ZNF827: variants seen among roughly 807,000 people sequenced by gnomAD.
The protein encoded by ZNF827 is zinc finger protein 827.
In ZNF827, 13 loss-of-function variants were observed where a neutral mutation model predicts 102.4. The ratio of observed to expected loss-of-function variants is 0.13; its 90% CI spans 0.08 to 0.20. ZNF827 has a LOEUF of 0.20. ZNF827 is among the 10% of genes least tolerant of loss of function. The pLI, the probability that ZNF827 is intolerant of heterozygous loss-of-function variation, is 1.00. For missense variants in ZNF827, 1,103 were observed against 1,344.4 expected, an observed-to-expected ratio of 0.82 and a Z score of 2.81; for synonymous variants, 523 against 536.2, an observed-to-expected ratio of 0.98 and a Z score of 0.34.
chr4:145,844,594 G>A (rs1745739025), intron 7 of ZNF827, among the ~76,000 whole-genome samples: 1 of 151,544 alleles, frequency 6.6e-6, no homozygotes, highest in Non-Finnish European at 1.5e-5. Flanking sequence ...GTGGGAGGAT[G>A]GCTTGAGCCT....
intron 5 of ZNF827, among the ~76,000 whole-genome samples, chr4:145,861,314 A>G (rs1022204207): frequency 1.3e-5 from 2 of 152,242 alleles, no homozygotes; most frequent in African/African-American, 4.8e-5. Flanking sequence ...GTATTAACAT[A>G]TAGCCAAAAG....
chr4:145,806,564 C>T (rs1373191861), intron 8 of ZNF827, among the ~76,000 whole-genome samples: 1 of 151,622 alleles, frequency 6.6e-6, no homozygotes, highest in Non-Finnish European at 1.5e-5. Context: ...TAATTTAATC[C>T]TCATTCTGCA....
chr4:145,906,377 C>T (rs10519749), intron 1 of ZNF827, among the ~76,000 whole-genome samples: 1 of 152,158 alleles, frequency 6.6e-6, no homozygotes, highest in Non-Finnish European at 1.5e-5. Flanking sequence ...GAGGTGAACA[C>T]TCATTATTCC....
At chr4:145,919,643 G>T (rs1163371446) in intron 1 of ZNF827, among the ~76,000 whole-genome samples, 2 of 152,200 alleles carry the variant, frequency 1.3e-5, no homozygotes, top group African/African-American at 2.4e-5. Context: ...GAAATATGAA[G>T]AATGCTCTGT....
intron 1 of ZNF827, among the ~76,000 whole-genome samples, chr4:145,937,232 G>A (rs1422176722): frequency 6.6e-6 from 1 of 152,018 alleles, no homozygotes; most frequent in African/African-American, 2.4e-5. Flanking sequence ...GGGGGCGCGG[G>A]TGGAGGAGGG....
At chr4:145,793,710 A>G (rs1740070973) in intron 8 of ZNF827, among the ~76,000 whole-genome samples, 2 of 152,274 alleles carry the variant, frequency 1.3e-5, no homozygotes, top group East Asian at 3.9e-4. Context: ...GTTGACACTC[A>G]GTATTAACCA....
chr4:145,840,338 A>G (rs1745288380), intron 7 of ZNF827, among the ~76,000 whole-genome samples: 1 of 152,266 alleles, frequency 6.6e-6, no homozygotes, highest in South Asian at 2.1e-4. Flanking sequence ...CGTCACAGAC[A>G]TCAGATTTAT....
intron 3 of ZNF827, among the ~76,000 whole-genome samples, chr4:145,886,942 T>A (rs1309232936): frequency 6.6e-6 from 1 of 152,248 alleles, no homozygotes; most frequent in East Asian, 1.9e-4. Flanking sequence ...TTCCTGTCAC[T>A]ACCAAATTTA....
In ZNF827 at chr4:145,761,541, C is replaced by T. The variant is rs1224964349; in HGVS notation, c.*75G>A. On this transcript the variant is annotated 3_prime_UTR_variant, in exon 15 of 15. Coordinates refer to ENST00000508784, the MANE Select transcript of ZNF827 (RefSeq NM_001306215.2). The surrounding 1 kb of genome is among the most constrained non-coding windows in gnomAD (Gnocchi z 6.8). ...ACTTGTACTCCATCTTGTAGTGGGT[C>T]TTGAGGTGGCACTCCATGGCAGCGG... 5.4e-6 allele frequency: 7 copies of T among 1,286,168 alleles called. No individual in the cohort carries two copies. The highest frequency in any genetic ancestry group is 3.0e-5 in the African/African-American group (2 of 65,792). The allele number at this position is 1,286,168 out of a possible 1,614,324, so 79.7% of individuals were successfully genotyped here.
At chr4:145,794,713 A>G (rs1400842899) in intron 8 of ZNF827, among the ~76,000 whole-genome samples, 1 of 152,134 alleles carries the variant, frequency 6.6e-6, no homozygotes, top group Non-Finnish European at 1.5e-5. Context: ...AGAAAAAAAA[A>G]TAGCACATAC....
At chr4:145,852,267 T>C (rs1746609073) in intron 5 of ZNF827, among the ~76,000 whole-genome samples, 2 of 152,166 alleles carry the variant, frequency 1.3e-5, no homozygotes, top group Admixed American at 6.6e-5. Flanking sequence ...GCTTTGACCA[T>C]GGAATAAAAA....
At chr4:145,832,269 AAAC>A (rs1257268740) in intron 7 of ZNF827, 1 of 148,386 alleles carries the variant, frequency 6.7e-6, no homozygotes, top group Non-Finnish European at 1.5e-5. Flanking sequence ...CGTCTCAAAA[AAAC>A]AAACAAACAA....
In ZNF827 at chr4:145,758,392, G is replaced by A. The variant is rs1382386953; in HGVS notation, c.*3224C>T. ...CAAGTGGCATGCTGTAAAACCTATA[G>A]TCTGAATTGTCAGGGCCACCCTTTC... On this transcript the variant is annotated 3_prime_UTR_variant, in exon 15 of 15. Transcript: ENST00000508784. The A allele has an allele frequency of 2.0e-5, 3 of 152,144 alleles. No individual in the cohort carries two copies. Among genetic ancestry groups the A allele is most frequent in the Non-Finnish European group, 2.9e-5 (2 of 68,038 alleles). The allele number at this position is 152,144 out of a possible 1,614,324, so 9.4% of individuals were successfully genotyped here.
intron 1 of ZNF827, among the ~76,000 whole-genome samples, chr4:145,926,881 G>C (rs1753468774): frequency 6.6e-6 from 1 of 151,166 alleles, no homozygotes; most frequent in Non-Finnish European, 1.5e-5. Context: ...TTTGTGCACA[G>C]CACTTCTAAC....
At chr4:145,933,651 T>C (rs564819893) in intron 1 of ZNF827, among the ~76,000 whole-genome samples, 5 of 152,334 alleles carry the variant, frequency 3.3e-5, no homozygotes, top group African/African-American at 7.2e-5. Context: ...ACAACTGCTT[T>C]ATTAACTTTT....
intron 7 of ZNF827, among the ~76,000 whole-genome samples, chr4:145,836,883 A>C (rs890271783): frequency 3.3e-5 from 5 of 151,926 alleles, no homozygotes; most frequent in African/African-American, 4.8e-5. Flanking sequence ...TCCATCTGCT[A>C]TTCTGCTACT....
chr4:145,808,182 C>G (rs2126363768), intron 8 of ZNF827, among the ~76,000 whole-genome samples: 1 of 151,942 alleles, frequency 6.6e-6, no homozygotes, highest in African/African-American at 2.4e-5. Context: ...TTTAAGTCAT[C>G]TTGCCACAAA....
intron 8 of ZNF827, among the ~76,000 whole-genome samples, chr4:145,797,631 T>C (rs1740505060): frequency 6.6e-6 from 1 of 152,230 alleles, no homozygotes; most frequent in African/African-American, 2.4e-5. Flanking sequence ...ATTCATTTAT[T>C]TTAAAAAGAA....
At chr4:145,802,321 T>G (rs2127110058) in intron 8 of ZNF827, among the ~76,000 whole-genome samples, 1 of 152,346 alleles carries the variant, frequency 6.6e-6, no homozygotes, top group Non-Finnish European at 1.5e-5. Flanking sequence ...ATCACCAGAC[T>G]ACACTGGGAA....
Sources: allele counts gnomAD v4.1 joint callset (sites outside exome capture counted in the v4.1 genomes callset), GRCh38; gene constraint gnomAD v4.1.1; non-coding constraint Gnocchi (gnomAD v3.1); transcripts MANE v1.5; gene names NCBI Gene and HGNC (gene_info 2026-07-23, HGNC 2026-07-21).